The following SPON1 variants were observed in gnomAD, a reference collection of about 807,000 sequenced individuals.
SPON1 encodes the protein spondin 1.
Under a neutral mutation model 111.7 loss-of-function variants are expected in SPON1, and 52 were observed. That is an observed-to-expected ratio of 0.47 (90% CI 0.37 to 0.59). The LOEUF (loss-of-function observed/expected upper bound fraction) is 0.59. Among genes scored for constraint, SPON1 ranks in the 20% least tolerant of loss-of-function variants. SPON1 has a pLI of 0.00. For missense variants in SPON1, 957 were observed against 1,068.5 expected, an observed-to-expected ratio of 0.90 and a Z score of 1.46; for synonymous variants, 410 against 395.8, an observed-to-expected ratio of 1.04 and a Z score of -0.43.
Position 14,259,811 on chromosome 11 carries a change from T to A in SPON1, c.1831+110T>A. On this transcript the variant is annotated intron_variant, in intron 13 of 15. Coordinates refer to ENST00000576479, the MANE Select transcript of SPON1 (RefSeq NM_006108.4). This position sits in a 1 kb window ranked among gnomAD's most constrained non-coding sequence, Gnocchi z 5.0. Reference sequence around the variant, plus strand: ...GTCGGAGGCTGAGCAGAGGAAAGCATGGCCCATGGTCCTTGCTGGGCACTG... The same window carrying A: ...GTCGGAGGCTGAGCAGAGGAAAGCAAGGCCCATGGTCCTTGCTGGGCACTG... 1.6e-6 allele frequency: 2 copies of A among 1,240,616 alleles called. No homozygotes were observed. The highest frequency in any genetic ancestry group is 2.2e-6 in the Non-Finnish European group (2 of 894,958). The allele number at this position is 1,240,616 out of a possible 1,614,324, so 76.9% of individuals were successfully genotyped here.
At chr11:14,208,355 A>C (rs1848537571) in intron 6 of SPON1, among the ~76,000 whole-genome samples, 3 of 152,070 alleles carry the variant, frequency 2.0e-5, no homozygotes. Context: ...TGAACTTAAA[A>C]GTTAAAAAAA....
At chr11:14,138,822 C>T (rs927734363) in intron 6 of SPON1, among the ~76,000 whole-genome samples, 1 of 152,144 alleles carries the variant, frequency 6.6e-6, no homozygotes. Flanking sequence ...CCCTTTCACT[C>T]GGTTATTCAG....
At chr11:14,199,263 C>T (rs541280888) in intron 6 of SPON1, among the ~76,000 whole-genome samples, 1 of 152,234 alleles carries the variant, frequency 6.6e-6, no homozygotes, top group South Asian at 2.1e-4. Flanking sequence ...AGGGAAGTAA[C>T]CATATTCCTC....
intron 7 of SPON1, among the ~76,000 whole-genome samples, 179 bp from the exon 8 acceptor site, chr11:14,254,349 G>C (rs1554940936): frequency 6.6e-6 from 1 of 152,190 alleles, no homozygotes; most frequent in Non-Finnish European, 1.5e-5. Flanking sequence ...TTGTTCAATG[G>C]ATGGGCTCAG....
At chr11:14,003,670 T>C (rs1257184562) in intron 2 of SPON1, among the ~76,000 whole-genome samples, 1 of 152,134 alleles carries the variant, frequency 6.6e-6, no homozygotes, top group Non-Finnish European at 1.5e-5. Context: ...ATTTGGGCCA[T>C]ATTTGAGGTT....
chr11:14,066,289 C>G (rs1158835961), intron 3 of SPON1, among the ~76,000 whole-genome samples: 2 of 152,250 alleles, frequency 1.3e-5, no homozygotes, highest in East Asian at 3.9e-4. Flanking sequence ...ACTGCCTTCA[C>G]CCCAGGCTCA....
At chr11:13,971,094 G>A (rs1848059998) in intron 1 of SPON1, among the ~76,000 whole-genome samples, 1 of 152,216 alleles carries the variant, frequency 6.6e-6, no homozygotes, top group Non-Finnish European at 1.5e-5. Context: ...CTCAGCCAGA[G>A]AGAAAGGTGA....
At chr11:14,011,476 C>T (rs1311635152) in intron 2 of SPON1, among the ~76,000 whole-genome samples, 4 of 152,082 alleles carry the variant, frequency 2.6e-5, no homozygotes, top group Non-Finnish European at 4.4e-5. Context: ...ATGGCTGACT[C>T]CCCCTATAGT....
At chr11:14,169,179 T>G (rs1425634193) in intron 6 of SPON1, among the ~76,000 whole-genome samples, 1 of 152,260 alleles carries the variant, frequency 6.6e-6, no homozygotes, top group Non-Finnish European at 1.5e-5. Context: ...TCCTGACTTT[T>G]TAATGATTGC....
At chr11:14,134,544 G>A (rs1447486155) in intron 5 of SPON1, among the ~76,000 whole-genome samples, 1 of 152,144 alleles carries the variant, frequency 6.6e-6, no homozygotes, top group Non-Finnish European at 1.5e-5. Context: ...TATCCAAACT[G>A]TCCATCACAT....
chr11:14,192,926 C>T (rs1445657425), intron 6 of SPON1, among the ~76,000 whole-genome samples: 1 of 152,138 alleles, frequency 6.6e-6, no homozygotes, highest in African/African-American at 2.4e-5. Flanking sequence ...GAGGAATTCT[C>T]GGGGTAGAGT....
At chr11:14,221,196 G>T (rs570268598) in intron 6 of SPON1, among the ~76,000 whole-genome samples, 81 of 152,324 alleles carry the variant, frequency 5.3e-4, no homozygotes, top group African/African-American at 1.9e-3. Context: ...ATAGATCATG[G>T]AGAGACAAAG....
At chr11:14,204,649 G>A (rs1186173584) in intron 6 of SPON1, among the ~76,000 whole-genome samples, 1 of 151,604 alleles carries the variant, frequency 6.6e-6, no homozygotes, top group African/African-American at 2.4e-5. Context: ...TGAAAAGAAG[G>A]GGTCTGCAGG....
At chr11:14,096,701 C>A (rs1177168459) in intron 5 of SPON1, among the ~76,000 whole-genome samples, 2 of 152,166 alleles carry the variant, frequency 1.3e-5, no homozygotes, top group East Asian at 3.9e-4. Flanking sequence ...GGGGTAGTCA[C>A]AACTCCCTGG....
intron 6 of SPON1, among the ~76,000 whole-genome samples, chr11:14,151,585 G>A (rs1474114029): frequency 6.6e-6 from 1 of 152,130 alleles, no homozygotes; most frequent in African/African-American, 2.4e-5. Flanking sequence ...CCCAGGGTGG[G>A]AGACATGTCA....
intron 6 of SPON1, among the ~76,000 whole-genome samples, chr11:14,160,616 T>TA (rs1847914689): frequency 2.9e-5 from 1 of 34,256 alleles, no homozygotes; most frequent in South Asian, 1.1e-3. Context: ...TTTATATATA[T>TA]TTATATATAT....
chr11:14,180,498 C>T (rs1554933596), intron 6 of SPON1, among the ~76,000 whole-genome samples: 1 of 152,218 alleles, frequency 6.6e-6, no homozygotes, highest in Non-Finnish European at 1.5e-5. Context: ...CTACTCCTTT[C>T]ATCGGCTAGC....
intron 3 of SPON1, among the ~76,000 whole-genome samples, chr11:14,055,794 G>C (rs531305641): frequency 8.5e-5 from 13 of 152,308 alleles, no homozygotes; most frequent in African/African-American, 2.9e-4. Flanking sequence ...GTGCCCCAAA[G>C]TCCTCACAGA....
At chr11:14,242,444 T>A (rs1009904103) in intron 6 of SPON1, among the ~76,000 whole-genome samples, 16 of 152,294 alleles carry the variant, frequency 1.1e-4, no homozygotes, top group African/African-American at 3.4e-4. Context: ...TGAGCACTGC[T>A]GGGCCCAGGC....
Sources: allele counts gnomAD v4.1 joint callset (sites outside exome capture counted in the v4.1 genomes callset), GRCh38; gene constraint gnomAD v4.1.1; non-coding constraint Gnocchi (gnomAD v3.1); transcripts MANE v1.5; gene names NCBI Gene and HGNC (gene_info 2026-07-23, HGNC 2026-07-21).